The following KDM5B variants were observed in gnomAD, a reference collection of about 807,000 sequenced individuals.
The protein encoded by KDM5B is lysine-specific demethylase 5B.
KDM5B carries 144 observed loss-of-function variants against 193.4 expected under a neutral mutation model. That is an observed-to-expected ratio of 0.74 (90% CI 0.65 to 0.86). KDM5B has a LOEUF of 0.86. Among genes scored for constraint, KDM5B ranks in the 40% least tolerant of loss-of-function variants. The probability of loss-of-function intolerance (pLI) is 0.00; values close to 1 mark genes in which losing one functional copy is unlikely to be tolerated. For synonymous variants in KDM5B, 668 were observed against 682.6 expected (o/e 0.98, Z 0.33); for missense variants, 1,833 against 1,886.9 (o/e 0.97, Z 0.53).
intron 6 of KDM5B, 23 bp from the exon 7 acceptor site, chr1:202,762,831 A>G (rs1656307325): frequency 7.7e-7 from 1 of 1,303,376 alleles, no homozygotes; most frequent in African/African-American, 1.5e-5. Flanking sequence ...ATCCAAAATT[A>G]GCTCTTTATG....
At chr1:202,745,649 C>G (rs775247378) in intron 16 of KDM5B, among the ~76,000 whole-genome samples, 5 of 152,120 alleles carry the variant, frequency 3.3e-5, no homozygotes, top group Non-Finnish European at 5.9e-5. Flanking sequence ...ACTCATATAA[C>G]AAAATTTCAC....
At chr1:202,736,139 T>C in intron 21 of KDM5B, 74 bp downstream of exon 21, 2 of 1,051,214 alleles carry the variant, frequency 1.9e-6, no homozygotes, top group Non-Finnish European at 2.7e-6. Context: ...ATGTCATCTT[T>C]GTATGTGATG....
At chr1:202,750,807 A>T (rs1461892783) in intron 12 of KDM5B, 29 bp from the exon 13 acceptor site, 1 of 1,605,986 alleles carries the variant, frequency 6.2e-7, no homozygotes, top group Non-Finnish European at 8.5e-7. Flanking sequence ...AAGATTTTTG[A>T]GTTTCTTAAA....
chr1:202,760,206 TG>T (rs4021241), intron 8 of KDM5B, among the ~76,000 whole-genome samples: 15,533 of 151,866 alleles, frequency 0.1, 1,147 homozygotes, highest in African/African-American at 0.2. Flanking sequence ...CCCAGCTACG[TG>T]GGGGGGGCTG....
intron 7 of KDM5B, among the ~76,000 whole-genome samples, chr1:202,762,398 T>C (rs570570021): frequency 1.3e-5 from 2 of 152,374 alleles, no homozygotes; most frequent in Non-Finnish European, 1.5e-5. Context: ...AGCAATTCTA[T>C]GTATAATGAG....
intron 1 of KDM5B, among the ~76,000 whole-genome samples, chr1:202,777,370 A>C (rs1207591306): frequency 6.8e-6 from 1 of 146,904 alleles, no homozygotes; most frequent in Non-Finnish European, 1.5e-5. Flanking sequence ...AAAAAAAAAA[A>C]ACACTCATTT....
intron 1 of KDM5B, among the ~76,000 whole-genome samples, chr1:202,805,668 G>A (rs1658261540): frequency 6.6e-6 from 1 of 151,906 alleles, no homozygotes; most frequent in South Asian, 2.1e-4. Flanking sequence ...GGGTTTTTTT[G>A]TTGCTATATA....
intron 1 of KDM5B, 127 bp downstream of exon 1, chr1:202,807,975 C>G: frequency 1.0e-6 from 1 of 954,656 alleles, no homozygotes; most frequent in Non-Finnish European, 1.5e-6. Flanking sequence ...TCTAGGCAGC[C>G]CCAAACTTGA....
intron 20 of KDM5B, among the ~76,000 whole-genome samples, chr1:202,739,054 G>A (rs933302109): frequency 1.3e-5 from 2 of 152,066 alleles, no homozygotes; most frequent in Non-Finnish European, 1.5e-5. Flanking sequence ...TGGGCCTTGG[G>A]GCTTAGCTGG....
chr1:202,780,749 T>C (rs1040591550), intron 1 of KDM5B, among the ~76,000 whole-genome samples: 6 of 150,712 alleles, frequency 4.0e-5, no homozygotes, highest in African/African-American at 1.5e-4. Flanking sequence ...AAAACATGTA[T>C]TAGGTTGGTG....
intron 2 of KDM5B, chr1:202,776,064 T>A (rs976749603): frequency 1.1e-4 from 16 of 151,122 alleles, no homozygotes; most frequent in African/African-American, 3.9e-4. Context: ...ACCCCATCTC[T>A]ACTAAAAATA....
intron 15 of KDM5B, 38 bp downstream of exon 15, chr1:202,746,104 T>C: frequency 1.3e-6 from 2 of 1,535,686 alleles, no homozygotes; most frequent in Non-Finnish European, 8.8e-7. Flanking sequence ...AAGGATCAAC[T>C]GTTTTCCATA....
chr1:202,768,015 C>T (rs886901671), intron 4 of KDM5B, among the ~76,000 whole-genome samples: 2 of 152,116 alleles, frequency 1.3e-5, no homozygotes, highest in African/African-American at 4.8e-5. Flanking sequence ...AAAGATATCA[C>T]CTGAATTGAG....
At chr1:202,792,432 A>G (rs61820988) in intron 1 of KDM5B, among the ~76,000 whole-genome samples, 59,639 of 151,806 alleles carry the variant, frequency 0.39, 14,071 homozygotes, top group Non-Finnish European at 0.52. Flanking sequence ...AATGGGAGGC[A>G]GTGGTACATT....
chr1:202,747,584 A>C (rs1371614707), intron 14 of KDM5B, among the ~76,000 whole-genome samples: 9 of 151,922 alleles, frequency 5.9e-5, no homozygotes, highest in African/African-American at 7.2e-5. Flanking sequence ...AAAAAAAAAA[A>C]AACAGTATTA....
chr1:202,767,435 C>A lies in KDM5B; in HGVS notation c.577-375G>T, dbSNP rs141804199. 2.9e-4 allele frequency: 393 copies of A among 1,353,260 alleles called. No individual in the cohort carries two copies. In the African/African-American group the frequency reaches 5.1e-3, roughly 17 times the overall value. The allele number at this position is 1,353,260 out of a possible 1,614,324, so 83.8% of individuals were successfully genotyped here. A position where few individuals can be genotyped will look rare whatever the true frequency, so the allele number is the denominator to read the frequency against. On this transcript the variant is annotated intron_variant, in intron 4 of 26. Transcript: ENST00000367265. ...TAGCCCAACATAGCGCTGCTGGAAG[C>A]TCTGCGAAAGGTGCAGAGACCGAGG...
At chr1:202,765,849 A>G (rs1005266558) in intron 5 of KDM5B, among the ~76,000 whole-genome samples, 26 of 152,158 alleles carry the variant, frequency 1.7e-4, no homozygotes, top group Non-Finnish European at 3.5e-4. Context: ...AGTTCCCTAT[A>G]TATTATCTCT....
Position 202,746,097 on chromosome 1 carries a change from G to C in KDM5B, c.2198+45C>G, listed in dbSNP as rs750344051. 1.9e-6 allele frequency: 3 copies of C among 1,561,180 alleles called. No individual in the cohort carries two copies. In the African/African-American group the frequency reaches 4.2e-5, roughly 22 times the overall value. On this transcript the variant is annotated intron_variant, in intron 15 of 26. Transcript: ENST00000367265. ...GCGGTATCATTGAGCTTTTAGTAAG[G>C]ATCAACTGTTTTCCATAGGAAAAAA...
chr1:202,737,781 G>A lies in KDM5B; in HGVS notation c.3085-1389C>T, dbSNP rs913647594. 4.6e-5 allele frequency among the ~76,000 whole-genome samples: 7 copies of A among 152,156 alleles called. No individual in the cohort carries two copies. The East Asian group carries it at 5.8e-4, about 13-fold the overall frequency. ...GAAAAAGTGGGGTGGGGAGGAAAAC[G>A]CTACAAGATTAAAAGAAACTTAAAG... On this transcript the variant is annotated intron_variant, in intron 20 of 26. Coordinates refer to ENST00000367265, the MANE Select transcript of KDM5B (RefSeq NM_006618.5).
Sources: allele counts gnomAD v4.1 joint callset (sites outside exome capture counted in the v4.1 genomes callset), GRCh38; gene constraint gnomAD v4.1.1; transcripts MANE v1.5; gene names NCBI Gene and HGNC (gene_info 2026-07-23, HGNC 2026-07-21).